Variants in LOC128462377 observed in about 807,000 individuals in gnomAD.
At chr16:89,407,264 G>C in the LOC128462377 span, among the ~76,000 whole-genome samples, 3 of 151,716 alleles carry the variant, frequency 2.0e-5, no homozygotes, top group East Asian at 5.8e-4. Context: ...GCAAAGGACT[G>C]ACAGAAAAAG....
the LOC128462377 span, among the ~76,000 whole-genome samples, chr16:89,332,550 TGAG>T: frequency 6.6e-6 from 1 of 152,172 alleles, no homozygotes; most frequent in Non-Finnish European, 1.5e-5. Flanking sequence ...CTCTATAAAA[TGAG>T]GACAAGAACC....
the LOC128462377 span, among the ~76,000 whole-genome samples, chr16:89,406,124 A>C: frequency 6.6e-6 from 1 of 152,002 alleles, no homozygotes; most frequent in South Asian, 2.1e-4. Context: ...AAAAAAAAAA[A>C]AAAAACCTTC....
the LOC128462377 span, among the ~76,000 whole-genome samples, chr16:89,337,426 A>ATTTTTTT: frequency 1.0e-3 from 45 of 43,734 alleles, no homozygotes; most frequent in South Asian, 2.2e-3. Context: ...GGTCTAAGCA[A>ATTTTTTT]TTCTTTTTTT....
the LOC128462377 span, among the ~76,000 whole-genome samples, chr16:89,349,317 C>T: frequency 6.6e-6 from 1 of 151,632 alleles, no homozygotes; most frequent in South Asian, 2.1e-4. Context: ...CATCTCTACT[C>T]AAAATACCAA....
At chr16:89,364,197 C>G in the LOC128462377 span, among the ~76,000 whole-genome samples, 1 of 152,214 alleles carries the variant, frequency 6.6e-6, no homozygotes, top group East Asian at 1.9e-4. Flanking sequence ...CCTGCCACTT[C>G]CACCTGTGCC....
At chr16:89,384,695 T>A in the LOC128462377 span, among the ~76,000 whole-genome samples, 11 of 151,920 alleles carry the variant, frequency 7.2e-5, no homozygotes, top group Admixed American at 7.2e-4. Context: ...AGAATAGAAC[T>A]CAATTCTTCC....
At chr16:89,372,159 AC>A in the LOC128462377 span, among the ~76,000 whole-genome samples, 1 of 152,206 alleles carries the variant, frequency 6.6e-6, no homozygotes, top group African/African-American at 2.4e-5. Context: ...GGGAAGAAGG[AC>A]CGGCGCCCAC....
the LOC128462377 span, among the ~76,000 whole-genome samples, chr16:89,358,233 C>T: frequency 6.6e-6 from 1 of 152,260 alleles, no homozygotes; most frequent in Non-Finnish European, 1.5e-5. Flanking sequence ...GGCATCAGCA[C>T]TGGTCCCGCA....
chr16:89,399,601 C>A, the LOC128462377 span, among the ~76,000 whole-genome samples: 1 of 152,082 alleles, frequency 6.6e-6, no homozygotes, highest in Admixed American at 6.5e-5. Context: ...CATCAGGATA[C>A]GTTCATCCAA....
At chr16:89,334,144 T>TA in the LOC128462377 span, among the ~76,000 whole-genome samples, 4,061 of 40,778 alleles carry the variant, frequency 0.1, 234 homozygotes, top group East Asian at 0.14. Flanking sequence ...CCCTGTGTTT[T>TA]AAAAAAAAAA....
chr16:89,347,138 G>A, the LOC128462377 span, among the ~76,000 whole-genome samples: 3 of 152,196 alleles, frequency 2.0e-5, no homozygotes, highest in East Asian at 1.9e-4. Flanking sequence ...CCGGGCATCA[G>A]AGGAAGCAGC....
the LOC128462377 span, among the ~76,000 whole-genome samples, chr16:89,386,767 T>C: frequency 1.3e-5 from 2 of 152,200 alleles, no homozygotes; most frequent in Admixed American, 6.5e-5. Context: ...AAAATAGCAC[T>C]GTAGAATCCT....
the LOC128462377 span, among the ~76,000 whole-genome samples, chr16:89,380,017 G>A: frequency 1.3e-5 from 2 of 152,064 alleles, no homozygotes; most frequent in African/African-American, 2.4e-5. Context: ...TTCAGTCCAG[G>A]TCCAAGTATC....
At chr16:89,317,683 C>G in the LOC128462377 span, among the ~76,000 whole-genome samples, 1 of 152,206 alleles carries the variant, frequency 6.6e-6, no homozygotes, top group Admixed American at 6.5e-5. Flanking sequence ...GAAGCAGACG[C>G]CCCCTCGGGC....
chr16:89,346,512 G>A, the LOC128462377 span, among the ~76,000 whole-genome samples: 8 of 152,196 alleles, frequency 5.3e-5, no homozygotes, highest in Admixed American at 3.3e-4. Flanking sequence ...TGATCACACA[G>A]ACAACTACAC....
chr16:89,321,995 A>G, the LOC128462377 span, among the ~76,000 whole-genome samples: 5 of 152,190 alleles, frequency 3.3e-5, no homozygotes, highest in African/African-American at 7.2e-5. Context: ...TCACGTCTCT[A>G]GTTTGCTCTA....
chr16:89,384,879 CTTTTTTTTTTTTTT>C, the LOC128462377 span, among the ~76,000 whole-genome samples: 2 of 49,942 alleles, frequency 4.0e-5, no homozygotes, highest in Admixed American at 3.6e-4. Flanking sequence ...AAATAGTTTT[CTTTTTTTTTTTTTT>C]TTTTTTTTTT....
the LOC128462377 span, among the ~76,000 whole-genome samples, chr16:89,318,554 G>A: frequency 8.7e-6 from 1 of 115,394 alleles, no homozygotes; most frequent in African/African-American, 3.0e-5. Flanking sequence ...GAAACACGAT[G>A]TGCAGACCCA....
chr16:89,333,878 G>C, the LOC128462377 span, among the ~76,000 whole-genome samples: 24 of 152,268 alleles, frequency 1.6e-4, no homozygotes, highest in East Asian at 3.5e-3. Context: ...TATGTTCCCA[G>C]TATGTGGGCG....
Sources: gnomAD v4.1 joint callset for allele counts (sites outside exome capture counted in the v4.1 genomes callset) on GRCh38, gnomAD v4.1.1 for gene constraint, MANE v1.5 for transcripts.